RBM47: variants seen among roughly 807,000 people sequenced by gnomAD.
The protein encoded by RBM47 is RNA-binding protein 47.
Under a neutral mutation model 47.1 loss-of-function variants are expected in RBM47, and 21 were observed. The ratio of observed to expected loss-of-function variants is 0.45; its 90% CI spans 0.32 to 0.64. The LOEUF (loss-of-function observed/expected upper bound fraction) is 0.64. Among genes scored for constraint, RBM47 ranks in the 30% least tolerant of loss-of-function variants. RBM47 has a pLI of 0.05. For synonymous variants in RBM47, 375 were observed against 361.7 expected (o/e 1.04, Z -0.42); for missense variants, 708 against 870.9 (o/e 0.81, Z 2.35).
chr4:40,463,763 T>C (rs1296654305), intron 3 of RBM47, among the ~76,000 whole-genome samples: 1 of 151,498 alleles, frequency 6.6e-6, no homozygotes, highest in Non-Finnish European at 1.5e-5. Context: ...TTACATTTAA[T>C]GGCAAAAACT....
chr4:40,565,023 G>A (rs1017085922), intron 1 of RBM47, among the ~76,000 whole-genome samples: 30 of 152,114 alleles, frequency 2.0e-4, no homozygotes, highest in Admixed American at 1.2e-3. Flanking sequence ...GACTGAGCAG[G>A]GCCTAAGGAA....
chr4:40,479,780 G>T (rs756497664), intron 2 of RBM47, among the ~76,000 whole-genome samples: 1 of 151,902 alleles, frequency 6.6e-6, no homozygotes, highest in Non-Finnish European at 1.5e-5. Flanking sequence ...TGGGACTACA[G>T]CTGCACCATT....
intron 1 of RBM47, among the ~76,000 whole-genome samples, chr4:40,575,557 A>AAAAAAAAAAAAC (rs763039745): frequency 0.02 from 3,066 of 150,358 alleles, 142 homozygotes; most frequent in Non-Finnish European, 0.033. Context: ...CATCTCAAAA[A>AAAAAAAAAAAAC]AAAAAAAAAA....
intron 1 of RBM47, among the ~76,000 whole-genome samples, chr4:40,590,836 AC>A (rs1168576834): frequency 6.6e-6 from 1 of 152,150 alleles, no homozygotes; most frequent in Non-Finnish European, 1.5e-5. Context: ...GGAGTCTCGC[AC>A]TGTCACCCAC....
rs1307711074 is a variant in RBM47 at position 40,424,674 on chromosome 4, A to ACAT, written c.*1229_*1230insATG. Reference sequence around the variant, plus strand: ...CAGCAAAGGAAGAGAGGCCCATTTAATAAACATAATGTTTCCAACACCCTT... The same window carrying ACAT: ...CAGCAAAGGAAGAGAGGCCCATTTAACATTAAACATAATGTTTCCAACACCCTT... On this transcript the variant is annotated 3_prime_UTR_variant, in exon 7 of 7. Transcript: ENST00000295971. 1.3e-5 allele frequency: 2 copies of ACAT among 152,180 alleles called. No homozygotes were observed. The highest frequency in any genetic ancestry group is 2.9e-5 in the Non-Finnish European group (2 of 68,036). 9.4% of individuals were successfully genotyped at this position (152,180 alleles called of 1,614,324 possible).
rs377698389 is a variant in RBM47, at chr4:40,561,317, C to T, written c.-239-16811G>A. Among the ~76,000 whole-genome samples, 46 of 150,714 alleles carry T rather than the reference C, an allele frequency of 3.1e-4. No homozygotes were observed. The South Asian group carries it at 8.2e-3, about 27-fold the overall frequency. On this transcript the variant is annotated intron_variant, in intron 1 of 6. Transcript: ENST00000295971. ...TGCAATCTCGGCTCACTGCGACCAC[C>T]GCTTCCTGGGTTCAAGCGATTCTCC...
chr4:40,550,395 C>A (rs1383942796), intron 1 of RBM47, among the ~76,000 whole-genome samples: 2 of 152,036 alleles, frequency 1.3e-5, no homozygotes, highest in Non-Finnish European at 2.9e-5. Flanking sequence ...TTAAAAGTCA[C>A]CACTGAAAAT....
At chr4:40,429,930 C>T (rs1049984578) in intron 6 of RBM47, among the ~76,000 whole-genome samples, 2 of 151,964 alleles carry the variant, frequency 1.3e-5, no homozygotes, top group Admixed American at 1.3e-4. Flanking sequence ...CGCGGTGGCT[C>T]ACGCCTGTAA....
Position 40,552,708 on chromosome 4 carries a change from G to A in RBM47, c.-239-8202C>T, listed in dbSNP as rs188498959. On this transcript the variant is annotated intron_variant, in intron 1 of 6. Transcript: ENST00000295971. ...GGTTCCCTCTAGGAGCCTGCATAGC[G>A]TGGCTTGGCTGTGCTCCATTCCCTG... is the stretch of plus-strand genomic sequence containing the variant. Among the ~76,000 whole-genome samples, 18 of 152,214 alleles carry A rather than the reference G, an allele frequency of 1.2e-4. No individual in the cohort carries two copies. In the East Asian group the frequency reaches 2.9e-3, roughly 25 times the overall value.
intron 3 of RBM47, among the ~76,000 whole-genome samples, chr4:40,443,594 G>A (rs918356055): frequency 8.6e-5 from 13 of 151,762 alleles, no homozygotes; most frequent in Non-Finnish European, 1.8e-4. Context: ...GCACATGCCT[G>A]TAATCTCAGC....
intron 1 of RBM47, among the ~76,000 whole-genome samples, chr4:40,606,915 C>G (rs1389003924): frequency 6.6e-6 from 1 of 151,718 alleles, no homozygotes; most frequent in Non-Finnish European, 1.5e-5. Flanking sequence ...ACCAGGAGAT[C>G]GAGGCTGCAG....
intron 2 of RBM47, among the ~76,000 whole-genome samples, chr4:40,485,000 T>G (rs563094065): frequency 3.4e-4 from 51 of 151,024 alleles, no homozygotes; most frequent in Non-Finnish European, 1.3e-4. Flanking sequence ...TCTCTTTTTT[T>G]TTGTTTGTTT....
intron 3 of RBM47, among the ~76,000 whole-genome samples, chr4:40,446,957 T>A (rs1014318456): frequency 6.6e-6 from 1 of 152,056 alleles, no homozygotes; most frequent in Non-Finnish European, 1.5e-5. Flanking sequence ...TCATAGCAGG[T>A]AAGCTGTCTG....
At chr4:40,467,390 T>A (rs113597031) in intron 2 of RBM47, among the ~76,000 whole-genome samples, 26,768 of 151,868 alleles carry the variant, frequency 0.18, 2,637 homozygotes, top group Middle Eastern at 0.26. Context: ...CCCAGGTTCA[T>A]GCGATTCTCC....
chr4:40,482,017 A>G (rs772841192), intron 2 of RBM47, among the ~76,000 whole-genome samples: 1 of 152,192 alleles, frequency 6.6e-6, no homozygotes, highest in African/African-American at 2.4e-5. Flanking sequence ...TACAGGTGTG[A>G]GCCACCGTAC....
At chr4:40,574,898 CA>C (rs1210462152) in intron 1 of RBM47, among the ~76,000 whole-genome samples, 2 of 151,878 alleles carry the variant, frequency 1.3e-5, no homozygotes, top group Non-Finnish European at 2.9e-5. Flanking sequence ...AGGAAAAGAA[CA>C]AAAAATGAAG....
chr4:40,566,511 G>T (rs1213005281), intron 1 of RBM47, among the ~76,000 whole-genome samples: 2 of 151,930 alleles, frequency 1.3e-5, no homozygotes, highest in East Asian at 3.9e-4. Context: ...CGGGTATGGT[G>T]GCGCGTGCCT....
intron 2 of RBM47, among the ~76,000 whole-genome samples, chr4:40,502,654 G>A (rs1418318070): frequency 6.6e-6 from 1 of 151,884 alleles, no homozygotes; most frequent in Non-Finnish European, 1.5e-5. Flanking sequence ...AGACCAGCCT[G>A]GGCAACATGG....
At chr4:40,439,055 TGGA>T (rs1713222199) in intron 3 of RBM47, 131 bp from the exon 4 acceptor site, 3 of 770,232 alleles carry the variant, frequency 3.9e-6, no homozygotes, top group Non-Finnish European at 6.0e-6. Flanking sequence ...AGAAATAGGA[TGGA>T]GGCGTTCTGG....
Sources: allele counts gnomAD v4.1 joint callset (sites outside exome capture counted in the v4.1 genomes callset), GRCh38; gene constraint gnomAD v4.1.1; transcripts MANE v1.5; gene names NCBI Gene and HGNC (gene_info 2026-07-23, HGNC 2026-07-21).